Variants in GPHN observed in about 807,000 individuals in gnomAD.
The protein encoded by GPHN is gephyrin.
A neutral mutation model predicts 95.5 loss-of-function variants in GPHN; 17 were observed. That is an observed-to-expected ratio of 0.18 (90% CI 0.12 to 0.27). The LOEUF (loss-of-function observed/expected upper bound fraction) is 0.27. Ranked by LOEUF, GPHN falls within the 10% of genes least tolerant of loss-of-function variation. The probability of loss-of-function intolerance (pLI) is 1.00; values close to 1 mark genes in which losing one functional copy is unlikely to be tolerated. For synonymous variants in GPHN, 320 were observed against 322.5 expected (o/e 0.99, Z 0.08); for missense variants, 660 against 978.1 (o/e 0.67, Z 4.34).
chr14:67,725,873 T>G, the GPHN span, among the ~76,000 whole-genome samples: 1 of 152,222 alleles, frequency 6.6e-6, no homozygotes, highest in African/African-American at 2.4e-5. Context: ...GGATAGTTAT[T>G]GAGTGCTGAG....
At chr14:67,358,932 G>A in the GPHN span, among the ~76,000 whole-genome samples, 1 of 152,112 alleles carries the variant, frequency 6.6e-6, no homozygotes, top group South Asian at 2.1e-4. Context: ...ACCTTCTATG[G>A]ATTAAGACAC....
At chr14:66,796,814 A>G (rs2060172598) in intron 3 of GPHN, among the ~76,000 whole-genome samples, 1 of 151,888 alleles carries the variant, frequency 6.6e-6, no homozygotes, top group South Asian at 2.1e-4. Context: ...TGCAAAAGAC[A>G]TTTAATGTGA....
intron 5 of GPHN, among the ~76,000 whole-genome samples, chr14:66,889,011 T>C (rs2064338194): frequency 6.6e-6 from 1 of 152,142 alleles, no homozygotes; most frequent in South Asian, 2.1e-4. Flanking sequence ...ACAAAGGATA[T>C]ATGTTACTAG....
intron 1 of GPHN, among the ~76,000 whole-genome samples, chr14:66,634,152 T>TTCCA (rs1181751619): frequency 6.6e-6 from 1 of 152,132 alleles, no homozygotes; most frequent in Non-Finnish European, 1.5e-5. Flanking sequence ...TTGTGTTGTT[T>TTCCA]TGGAGGTGTC....
chr14:66,989,058 T>C (rs977689168), intron 9 of GPHN, among the ~76,000 whole-genome samples: 6 of 152,070 alleles, frequency 3.9e-5, no homozygotes, highest in African/African-American at 1.4e-4. Context: ...AATTTCTGAT[T>C]ATTGAAATAC....
At chr14:67,562,041 C>T in the GPHN span, 2 of 1,612,998 alleles carry the variant, frequency 1.2e-6, no homozygotes, top group African/African-American at 1.3e-5. Flanking sequence ...AGAAGGTAGG[C>T]AGGCCAGGGT....
intron 9 of GPHN, among the ~76,000 whole-genome samples, chr14:66,994,349 G>A (rs571445611): frequency 6.6e-6 from 1 of 151,944 alleles, no homozygotes; most frequent in East Asian, 1.9e-4. Flanking sequence ...CTGGGCAACT[G>A]AGTAAAACTG....
intron 2 of GPHN, among the ~76,000 whole-genome samples, chr14:66,721,951 CAA>C (rs35174343): frequency 1.7e-4 from 10 of 60,080 alleles, no homozygotes; most frequent in Non-Finnish European, 3.3e-4. Flanking sequence ...AACTCTGTCT[CAA>C]AAAAAAAAAA....
intron 17 of GPHN, among the ~76,000 whole-genome samples, chr14:67,138,097 CAA>C (rs2153701715): frequency 6.6e-6 from 1 of 152,100 alleles, no homozygotes. Context: ...TTATGTGTAA[CAA>C]AGTGTCTTTC....
At chr14:66,627,323 C>T (rs769838834) in intron 1 of GPHN, among the ~76,000 whole-genome samples, 2 of 151,988 alleles carry the variant, frequency 1.3e-5, no homozygotes, top group East Asian at 1.9e-4. Flanking sequence ...TCTTGTTTTA[C>T]GTATCTTAAA....
the GPHN span, among the ~76,000 whole-genome samples, chr14:67,398,230 T>G: frequency 1.3e-5 from 2 of 152,200 alleles, no homozygotes; most frequent in Non-Finnish European, 2.9e-5. Context: ...TTTTTTTTGT[T>G]TTTGTTCTTG....
chr14:67,378,309 T>C, the GPHN span, among the ~76,000 whole-genome samples: 3 of 147,944 alleles, frequency 2.0e-5, no homozygotes, highest in Middle Eastern at 3.5e-3. Flanking sequence ...TTTATTCTCA[T>C]GTGACTTTTT....
Position 66,588,288 on chromosome 14 carries a change from C to G in GPHN, c.64+79697C>G, listed in dbSNP as rs1028591650. ...GAAATCCACGAAGTTGAGGAGGAAC[C>G]AGCACAAAAGACTGAAAATTCCAAA... On this transcript the variant is annotated intron_variant, in intron 1 of 22. Transcript: ENST00000478722. Among the ~76,000 whole-genome samples the G allele has an allele frequency of 2.0e-5, 3 of 151,948 alleles. No homozygotes were observed. The East Asian group carries it at 5.8e-4, about 29-fold the overall frequency.
chr14:67,531,526 C>T, the GPHN span, among the ~76,000 whole-genome samples: 2 of 151,832 alleles, frequency 1.3e-5, no homozygotes, highest in Admixed American at 1.3e-4. Context: ...TCTCTTCTGC[C>T]CTCTACAGAA....
chr14:67,198,162 A>G, the GPHN span: 9 of 1,607,586 alleles, frequency 5.6e-6, no homozygotes, highest in South Asian at 6.7e-5. Context: ...TGCAAGCGCA[A>G]TGAAGAAGAA....
At position 66,665,454 on chromosome 14, in the gene GPHN, C is replaced by A. The variant is rs112352894; in HGVS notation, c.65-15653C>A. ...AGTGAGCGAAGGATATGAACAGACACTTCTCAAAAGAAGACATTTATGCAG... is the reference window on the plus strand; with the variant it reads ...AGTGAGCGAAGGATATGAACAGACAATTCTCAAAAGAAGACATTTATGCAG... On this transcript the variant is annotated intron_variant, in intron 1 of 22. Transcript: ENST00000478722. Among the ~76,000 whole-genome samples the A allele has an allele frequency of 3.6e-3, 555 of 152,316 alleles. 12 individuals are homozygous for A. Among genetic ancestry groups the A allele is most frequent in the African/African-American group, 0.013 (529 of 41,570 alleles).
chr14:67,376,295 C>A, the GPHN span: 1 of 788,960 alleles, frequency 1.3e-6, no homozygotes, highest in Non-Finnish European at 1.9e-6. Context: ...ACTTTTTATA[C>A]CCACTTAAAG....
chr14:67,273,821 G>A, the GPHN span, among the ~76,000 whole-genome samples: 1 of 152,190 alleles, frequency 6.6e-6, no homozygotes, highest in Admixed American at 6.5e-5. Flanking sequence ...ATTCTAACTG[G>A]TGTGAGATGG....
the GPHN span, among the ~76,000 whole-genome samples, chr14:67,601,949 T>C: frequency 6.6e-6 from 1 of 152,208 alleles, no homozygotes; most frequent in East Asian, 1.9e-4. Context: ...AGGTTCCGTT[T>C]CTTCATCTTC....
Sources: gnomAD v4.1 joint callset for allele counts (sites outside exome capture counted in the v4.1 genomes callset) on GRCh38, gnomAD v4.1.1 for gene constraint, MANE v1.5 for transcripts, NCBI Gene and HGNC (gene_info 2026-07-23, HGNC 2026-07-21) for gene names.